GARNL3: variants seen among roughly 807,000 people sequenced by gnomAD.
The protein encoded by GARNL3 is GTPase activating Rap/RanGAP domain like 3, also known as GTPase-activating Rap/Ran-GAP domain-like protein 3.
In GARNL3, 63 loss-of-function variants were observed where a neutral mutation model predicts 125.0. The observed-to-expected ratio is 0.50, with a 90% CI of 0.41 to 0.62. The LOEUF (loss-of-function observed/expected upper bound fraction) is 0.62. Ranked by LOEUF, GARNL3 falls within the 20% of genes least tolerant of loss-of-function variation. GARNL3 has a pLI of 0.00. For synonymous variants in GARNL3, 439 were observed against 457.5 expected (o/e 0.96, Z 0.52); for missense variants, 994 against 1,244.0 (o/e 0.80, Z 3.02).
At chr9:127,382,631 T>C (rs958902242) in intron 22 of GARNL3, among the ~76,000 whole-genome samples, 2 of 152,132 alleles carry the variant, frequency 1.3e-5, no homozygotes, top group African/African-American at 4.8e-5. Context: ...ATTTTTTTAA[T>C]TTAAATTTTA....
intron 1 of GARNL3, among the ~76,000 whole-genome samples, chr9:127,229,438 G>A (rs1479346756): frequency 6.6e-6 from 1 of 152,118 alleles, no homozygotes; most frequent in Non-Finnish European, 1.5e-5. Context: ...TACCAGATTG[G>A]CCTCCCTTAT....
At chr9:127,366,057 G>A (rs1461617340) in intron 22 of GARNL3, among the ~76,000 whole-genome samples, 4 of 151,994 alleles carry the variant, frequency 2.6e-5, no homozygotes, top group African/African-American at 9.7e-5. Flanking sequence ...ATGTTTTAAG[G>A]GTAAAAGAAA....
chr9:127,351,115 A>G (rs1285357336), intron 17 of GARNL3, among the ~76,000 whole-genome samples: 2 of 152,062 alleles, frequency 1.3e-5, no homozygotes, highest in Non-Finnish European at 2.9e-5. Flanking sequence ...AAGAATGTTC[A>G]CTCCTTCCCT....
At chr9:127,256,499 A>G (rs1271612680) in intron 2 of GARNL3, among the ~76,000 whole-genome samples, 1 of 152,174 alleles carries the variant, frequency 6.6e-6, no homozygotes, top group Admixed American at 6.5e-5. Flanking sequence ...GTTCCTGTGA[A>G]GTCCTGTGTA....
intron 2 of GARNL3, among the ~76,000 whole-genome samples, chr9:127,294,876 C>G (rs2064539296): frequency 6.6e-6 from 1 of 152,174 alleles, no homozygotes; most frequent in Admixed American, 6.5e-5. Flanking sequence ...CCATCAGTAA[C>G]CAATACAAAC....
intron 7 of GARNL3, among the ~76,000 whole-genome samples, chr9:127,326,762 G>C (rs903866890): frequency 3.9e-5 from 6 of 152,184 alleles, no homozygotes; most frequent in Middle Eastern, 3.4e-3. Context: ...AGGTCATGAG[G>C]GGGGAGCCCT....
At chr9:127,225,364 C>T (rs1000179600) in intron 1 of GARNL3, 15 of 984,308 alleles carry the variant, frequency 1.5e-5, no homozygotes, top group African/African-American at 1.1e-4. Context: ...CAGAAGAGGG[C>T]GGCGCTGCGG....
chr9:127,371,011 A>C (rs907540792), intron 22 of GARNL3, among the ~76,000 whole-genome samples: 5 of 152,072 alleles, frequency 3.3e-5, no homozygotes, highest in African/African-American at 1.2e-4. Context: ...TCCTCCTCAC[A>C]TGTGCTCCTC....
chr9:127,373,778 C>G (rs1232986147), intron 22 of GARNL3, among the ~76,000 whole-genome samples: 2 of 152,006 alleles, frequency 1.3e-5, no homozygotes, highest in African/African-American at 4.8e-5. Context: ...AATCCCAACA[C>G]TTTGGGAGGT....
chr9:127,243,243 T>A (rs2063234661), exon 2 of GARNL3: 1 of 1,366,474 alleles, frequency 7.3e-7, no homozygotes. Context: ...GAGTCCCAGG[T>A]CAACCTGTAA....
intron 4 of GARNL3, among the ~76,000 whole-genome samples, chr9:127,314,348 A>T (rs527685189): frequency 2.0e-5 from 3 of 152,252 alleles, no homozygotes; most frequent in African/African-American, 7.2e-5. Context: ...TGGACTTAAG[A>T]TTCCCGTGCA....
chr9:127,298,433 C>G lies in GARNL3; in HGVS notation c.219+7191C>G, dbSNP rs2064676024. 1.3e-5 allele frequency among the ~76,000 whole-genome samples: 2 copies of G among 152,198 alleles called. 1 individual carries two copies. Among genetic ancestry groups the G allele is most frequent in the South Asian group, 4.1e-4 (2 of 4,836 alleles). ...ACATCAGGTGATCCATCCACTTCAG[C>G]CTCCCAAAGCACTAGGATTACAGGC... On this transcript the variant is annotated intron_variant, in intron 2 of 27. Transcript: ENST00000373387.
At chr9:127,257,962 C>G (rs1158653758) in intron 2 of GARNL3, among the ~76,000 whole-genome samples, 1 of 152,106 alleles carries the variant, frequency 6.6e-6, no homozygotes, top group African/African-American at 2.4e-5. Flanking sequence ...GCCATATGAT[C>G]TCTTTCAGTC....
intron 1 of GARNL3, among the ~76,000 whole-genome samples, chr9:127,241,948 G>T (rs1187444743): frequency 6.6e-6 from 1 of 151,510 alleles, no homozygotes; most frequent in East Asian, 2.0e-4. Context: ...TGTTGTTGTT[G>T]TTGTTGTTGT....
Position 127,306,449 on chromosome 9 carries a change from C to T in GARNL3, c.220-5187C>T, listed in dbSNP as rs566410692. Among the ~76,000 whole-genome samples, 6 of 152,172 alleles carry T rather than the reference C, an allele frequency of 3.9e-5. No individual in the cohort carries two copies. In the East Asian group the frequency reaches 7.7e-4, roughly 20 times the overall value. On this transcript the variant is annotated intron_variant, in intron 2 of 27. Transcript: ENST00000373387. ...AATACAAAATGCAGTCAAGTGTGGCCGGGCGCGGTGGCTCACGCCTGTAAT... is the reference window on the plus strand; with the variant it reads ...AATACAAAATGCAGTCAAGTGTGGCTGGGCGCGGTGGCTCACGCCTGTAAT...
At chr9:127,312,575 G>T (rs1215377572) in intron 3 of GARNL3, among the ~76,000 whole-genome samples, 1 of 152,188 alleles carries the variant, frequency 6.6e-6, no homozygotes, top group African/African-American at 2.4e-5. Flanking sequence ...GAGAATGGAA[G>T]AATAATCACT....
chr9:127,311,556 C>A, intron 2 of GARNL3, 80 bp from the exon 3 acceptor site: 3 of 959,394 alleles, frequency 3.1e-6, no homozygotes, highest in East Asian at 2.4e-5. Context: ...TTTTCTGGTT[C>A]TTTGGCCGCT....
At chr9:127,305,932 C>G (rs2064941748) in intron 2 of GARNL3, among the ~76,000 whole-genome samples, 1 of 152,060 alleles carries the variant, frequency 6.6e-6, no homozygotes, top group Non-Finnish European at 1.5e-5. Context: ...GAAAACTCCT[C>G]ATATTGACAG....
intron 24 of GARNL3, 188 bp from the exon 25 acceptor site, chr9:127,387,005 A>C: frequency 1.9e-6 from 1 of 514,330 alleles, no homozygotes; most frequent in Non-Finnish European, 3.4e-6. Flanking sequence ...TACTCAGGAA[A>C]AGTGTAACTA....
Sources: allele counts gnomAD v4.1 joint callset (sites outside exome capture counted in the v4.1 genomes callset), GRCh38; gene constraint gnomAD v4.1.1; transcripts MANE v1.5; gene names NCBI Gene and HGNC (gene_info 2026-07-23, HGNC 2026-07-21).